PSMD14: variants seen among roughly 807,000 people sequenced by gnomAD.
The protein encoded by PSMD14 is ubiquitin C-terminal hydrolase PSMD14.
In PSMD14, 7 loss-of-function variants were observed where a neutral mutation model predicts 41.2. That is an observed-to-expected ratio of 0.17 (90% CI 0.10 to 0.32). PSMD14 has a LOEUF of 0.32. Ranked by LOEUF, PSMD14 falls within the 10% of genes least tolerant of loss-of-function variation. The pLI is 1.00. For missense variants in PSMD14, 139 were observed against 375.6 expected, an observed-to-expected ratio of 0.37 and a Z score of 5.21; for synonymous variants, 114 against 122.3, an observed-to-expected ratio of 0.93 and a Z score of 0.45.
intron 3 of PSMD14, among the ~76,000 whole-genome samples, chr2:161,358,488 G>A (rs992922570): frequency 1.2e-4 from 18 of 152,128 alleles, no homozygotes; most frequent in Admixed American, 9.2e-4. Flanking sequence ...GATAAAAACC[G>A]TGCGCTGTCT....
Position 161,371,165 on chromosome 2 carries a change from G to A in PSMD14, c.312-7G>A. On this transcript the variant is annotated splice_polypyrimidine_tract_variant and splice_region_variant and intron_variant, in intron 6 of 11. Coordinates refer to ENST00000409682, the MANE Select transcript of PSMD14 (RefSeq NM_005805.6). ...TTCTGAGCATCTGAATGCCCTCTTT[G>A]TTTCAGGCCGGAGATGGTTGTTGGT... 6.2e-7 allele frequency: 1 copy of A among 1,611,942 alleles called. No individual in the cohort carries two copies.
chr2:161,385,411 G>A, intron 7 of PSMD14, 53 bp from the exon 8 acceptor site: 1 of 997,398 alleles, frequency 1.0e-6, no homozygotes, highest in Non-Finnish European at 1.6e-6. Context: ...CTGTTGCTTG[G>A]CATTATCACT....
intron 10 of PSMD14, among the ~76,000 whole-genome samples, chr2:161,401,588 T>G (rs191275722): frequency 6.6e-6 from 1 of 152,264 alleles, no homozygotes; most frequent in Admixed American, 6.5e-5. Flanking sequence ...CCATAGAAAT[T>G]TTTTCCAACA....
chr2:161,361,260 T>A (rs1683285937), intron 3 of PSMD14, among the ~76,000 whole-genome samples: 1 of 152,224 alleles, frequency 6.6e-6, no homozygotes, highest in Admixed American at 6.5e-5. Context: ...ATAGAATATG[T>A]TCAATTCTAT....
At chr2:161,373,441 G>A (rs1055727345) in intron 7 of PSMD14, among the ~76,000 whole-genome samples, 2 of 151,860 alleles carry the variant, frequency 1.3e-5, no homozygotes, top group Non-Finnish European at 2.9e-5. Context: ...AGGAGTCAGA[G>A]TTTGATTGTA....
At chr2:161,315,744 T>G (rs557366163) in intron 1 of PSMD14, among the ~76,000 whole-genome samples, 1 of 152,066 alleles carries the variant, frequency 6.6e-6, no homozygotes, top group Non-Finnish European at 1.5e-5. Flanking sequence ...TCCATACTAT[T>G]TGATAGATTT....
At chr2:161,330,727 T>C (rs1682774693) in intron 3 of PSMD14, among the ~76,000 whole-genome samples, 2 of 152,238 alleles carry the variant, frequency 1.3e-5, no homozygotes, top group South Asian at 2.1e-4. Context: ...TGCTGCTTTT[T>C]AAGCTGTTGC....
At chr2:161,317,029 G>C (rs894117665) in intron 2 of PSMD14, among the ~76,000 whole-genome samples, 1 of 151,960 alleles carries the variant, frequency 6.6e-6, no homozygotes, top group Non-Finnish European at 1.5e-5. Context: ...TTTTCTGTTG[G>C]TTCTTTAAGT....
chr2:161,314,050 G>A (rs1574111567), intron 1 of PSMD14, among the ~76,000 whole-genome samples: 1 of 152,110 alleles, frequency 6.6e-6, no homozygotes, highest in East Asian at 1.9e-4. Context: ...TAATTTTGTT[G>A]AAGATAGGAT....
At chr2:161,328,529 C>G (rs1261883611) in intron 3 of PSMD14, among the ~76,000 whole-genome samples, 1 of 151,878 alleles carries the variant, frequency 6.6e-6, no homozygotes, top group Non-Finnish European at 1.5e-5. Context: ...TGGAAGTGTC[C>G]ATATCTGCAC....
intron 3 of PSMD14, among the ~76,000 whole-genome samples, chr2:161,323,123 A>C (rs1682634929): frequency 1.3e-5 from 2 of 152,124 alleles, no homozygotes; most frequent in Admixed American, 6.5e-5. Flanking sequence ...CTACTTAATT[A>C]CCTCTGTTCA....
chr2:161,367,924 C>T, intron 5 of PSMD14, 21 bp downstream of exon 5: 1 of 1,603,346 alleles, frequency 6.2e-7, no homozygotes, highest in Non-Finnish European at 8.5e-7. Flanking sequence ...TTATGGTTGC[C>T]TGCTGCAAGT....
intron 3 of PSMD14, among the ~76,000 whole-genome samples, chr2:161,360,131 C>T (rs574549694): frequency 6.6e-6 from 1 of 151,666 alleles, no homozygotes; most frequent in East Asian, 1.9e-4. Context: ...ATGATTTAAG[C>T]TTCAGGTTAA....
intron 3 of PSMD14, among the ~76,000 whole-genome samples, chr2:161,325,281 T>C (rs1471529870): frequency 6.6e-6 from 1 of 152,152 alleles, no homozygotes; most frequent in Admixed American, 6.5e-5. Context: ...AGATATAGTG[T>C]ACATTTTGAA....
At chr2:161,328,389 C>G (rs887741109) in intron 3 of PSMD14, among the ~76,000 whole-genome samples, 11 of 152,080 alleles carry the variant, frequency 7.2e-5, no homozygotes, top group Non-Finnish European at 1.3e-4. Context: ...TAAAAAGATA[C>G]ATACAACATG....
At chr2:161,352,011 A>C (rs1314997003) in intron 3 of PSMD14, among the ~76,000 whole-genome samples, 1 of 152,198 alleles carries the variant, frequency 6.6e-6, no homozygotes, top group Non-Finnish European at 1.5e-5. Context: ...TATCTATGAT[A>C]ATTTGTAAAC....
intron 7 of PSMD14, among the ~76,000 whole-genome samples, chr2:161,371,883 A>G (rs1683439292): frequency 6.6e-6 from 1 of 152,102 alleles, no homozygotes; most frequent in African/African-American, 2.4e-5. Context: ...TTAACTTGCA[A>G]AGCATATTGG....
intron 10 of PSMD14, 40 bp from the exon 11 acceptor site, chr2:161,408,797 T>G (rs1448916736): frequency 6.7e-7 from 1 of 1,494,522 alleles, no homozygotes; most frequent in Admixed American, 1.8e-5. Context: ...GAATAGAGGA[T>G]TTATAATTTT....
At chr2:161,371,365 T>A in intron 7 of PSMD14, 43 bp downstream of exon 7, 1 of 1,541,742 alleles carries the variant, frequency 6.5e-7, no homozygotes, top group Non-Finnish European at 8.8e-7. Flanking sequence ...TGCCACATTC[T>A]GTTTACAGAT....
Sources: allele counts gnomAD v4.1 joint callset (sites outside exome capture counted in the v4.1 genomes callset), GRCh38; gene constraint gnomAD v4.1.1; transcripts MANE v1.5; gene names NCBI Gene and HGNC (gene_info 2026-07-23, HGNC 2026-07-21).